The following GRHL2 variants were observed in gnomAD, a reference collection of about 807,000 sequenced individuals.
GRHL2 encodes grainyhead-like protein 2 homolog.
GRHL2 carries 21 observed loss-of-function variants against 83.8 expected under a neutral mutation model. The observed-to-expected ratio is 0.25, with a 90% CI of 0.18 to 0.36. The LOEUF is 0.36. GRHL2 is among the 10% of genes least tolerant of loss of function. GRHL2 has a pLI of 1.00. For missense variants in GRHL2, 623 were observed against 781.8 expected (o/e 0.80, Z 2.42); for synonymous variants, 280 against 278.9 (o/e 1.00, Z -0.04).
At chr8:101,499,696 A>G (rs1204167925) in intron 1 of GRHL2, among the ~76,000 whole-genome samples, 1 of 152,184 alleles carries the variant, frequency 6.6e-6, no homozygotes, top group African/African-American at 2.4e-5. Context: ...CCTAAGTTAG[A>G]GTTCTCACTC....
chr8:101,511,168 G>T (rs989608129), intron 1 of GRHL2, among the ~76,000 whole-genome samples: 2 of 151,968 alleles, frequency 1.3e-5, no homozygotes, highest in Non-Finnish European at 2.9e-5. Context: ...GTTGTTTTAT[G>T]ATTTTGATAG....
In GRHL2 at chr8:101,492,676, G is replaced by C. The variant is rs1338528985; in HGVS notation, c.-94G>C. On this transcript the variant is annotated 5_prime_UTR_variant, in exon 1 of 16. Coordinates refer to ENST00000646743, the MANE Select transcript of GRHL2 (RefSeq NM_024915.4). ...TAGCTCTTGTTCTGCCATCTCGGGC[G>C]CTCTCACACACCTTCACCTGCACAG... 2.0e-6 allele frequency: 2 copies of C among 997,476 alleles called. No homozygotes were observed. Among genetic ancestry groups the C allele is most frequent in the African/African-American group, 3.2e-5 (2 of 63,138 alleles). 61.8% of individuals were successfully genotyped at this position (997,476 alleles called of 1,614,324 possible). A position where few individuals can be genotyped will look rare whatever the true frequency, so the allele number is the denominator to read the frequency against.
chr8:101,678,206 G>A, the GRHL2 span, among the ~76,000 whole-genome samples: 25 of 152,300 alleles, frequency 1.6e-4, 1 homozygote, highest in Admixed American at 7.2e-4. Flanking sequence ...CAGGCAGTGG[G>A]CGCAGGTCAG....
chr8:101,581,355 A>G (rs556982589), intron 7 of GRHL2, among the ~76,000 whole-genome samples: 1 of 152,220 alleles, frequency 6.6e-6, no homozygotes, highest in African/African-American at 2.4e-5. Flanking sequence ...CCCAGGCCCA[A>G]GTAGATTCTG....
At chr8:101,605,140 G>A (rs758209450) in intron 8 of GRHL2, among the ~76,000 whole-genome samples, 6 of 152,192 alleles carry the variant, frequency 3.9e-5, no homozygotes, top group African/African-American at 7.2e-5. Context: ...CACAAGTAAG[G>A]CATCTGTTTT....
At chr8:101,498,482 AG>A (rs1169758923) in intron 1 of GRHL2, among the ~76,000 whole-genome samples, 1 of 152,186 alleles carries the variant, frequency 6.6e-6, no homozygotes, top group Non-Finnish European at 1.5e-5. Context: ...GCAAAGTCAA[AG>A]GTAAAGAGCT....
intron 8 of GRHL2, among the ~76,000 whole-genome samples, chr8:101,608,923 G>T (rs1295747368): frequency 6.7e-6 from 1 of 150,212 alleles, no homozygotes; most frequent in Non-Finnish European, 1.5e-5. Flanking sequence ...AAGAGTGTAT[G>T]GTAGGGAACA....
chr8:101,592,289 G>C (rs1317285668), intron 7 of GRHL2, among the ~76,000 whole-genome samples: 1 of 151,808 alleles, frequency 6.6e-6, no homozygotes, highest in East Asian at 1.9e-4. Context: ...ATTTTCAGTA[G>C]AGATGGGGTT....
At chr8:101,547,038 A>G (rs1811281235) in intron 2 of GRHL2, among the ~76,000 whole-genome samples, 1 of 152,200 alleles carries the variant, frequency 6.6e-6, no homozygotes, top group Admixed American at 6.5e-5. Flanking sequence ...TGCTTGAAAC[A>G]TTTTAGTGTT....
chr8:101,660,645 A>G (rs1453103574), intron 14 of GRHL2, among the ~76,000 whole-genome samples: 3 of 152,076 alleles, frequency 2.0e-5, no homozygotes, highest in Admixed American at 2.0e-4. Context: ...TTTTGCAGTC[A>G]GATTCTAAGT....
chr8:101,679,992 C>T, the GRHL2 span, among the ~76,000 whole-genome samples: 3 of 118,146 alleles, frequency 2.5e-5, no homozygotes, highest in Admixed American at 8.9e-5. Flanking sequence ...TAAAGACCAT[C>T]GAGACTAGGA....
intron 7 of GRHL2, among the ~76,000 whole-genome samples, chr8:101,598,241 A>ATTTT (rs5893574): frequency 7.3e-6 from 1 of 137,138 alleles, no homozygotes; most frequent in African/African-American, 2.7e-5. Flanking sequence ...GTCCAAAAAG[A>ATTTT]TTTTTTTTTT....
At chr8:101,503,448 GTT>G (rs1810272897) in intron 1 of GRHL2, among the ~76,000 whole-genome samples, 1 of 152,174 alleles carries the variant, frequency 6.6e-6, no homozygotes, top group African/African-American at 2.4e-5. Flanking sequence ...GATATTCTAA[GTT>G]TCTCTGTCAA....
chr8:101,567,837 G>A (rs1389076171), intron 4 of GRHL2, among the ~76,000 whole-genome samples: 1 of 152,156 alleles, frequency 6.6e-6, no homozygotes, highest in African/African-American at 2.4e-5. Context: ...TAGGAGGTTA[G>A]CCTATCCTCA....
At chr8:101,675,742 G>A in the GRHL2 span, among the ~76,000 whole-genome samples, 110 of 152,152 alleles carry the variant, frequency 7.2e-4, 6 homozygotes, top group South Asian at 0.021. Context: ...AAAAGAGCCC[G>A]CATTGCCAAG....
chr8:101,613,301 C>T (rs1196192225), intron 8 of GRHL2, among the ~76,000 whole-genome samples: 5 of 150,756 alleles, frequency 3.3e-5, no homozygotes, highest in Non-Finnish European at 7.4e-5. Context: ...AATATTTTAT[C>T]AGGAAGAAAG....
intron 1 of GRHL2, among the ~76,000 whole-genome samples, chr8:101,539,084 A>G (rs1232869906): frequency 6.6e-6 from 1 of 152,204 alleles, no homozygotes; most frequent in African/African-American, 2.4e-5. Flanking sequence ...AGGGATTTCA[A>G]GAAGGAAGAT....
intron 1 of GRHL2, among the ~76,000 whole-genome samples, chr8:101,535,770 C>A (rs1164556793): frequency 6.6e-6 from 1 of 152,158 alleles, no homozygotes; most frequent in African/African-American, 2.4e-5. Context: ...GAACTCCTGA[C>A]CTCAGGTGAT....
chr8:101,624,638 G>A (rs1813045731), intron 9 of GRHL2, among the ~76,000 whole-genome samples: 1 of 150,050 alleles, frequency 6.7e-6, no homozygotes, highest in Admixed American at 6.6e-5. Flanking sequence ...CAGTAGGACA[G>A]TACACAGTAG....
Sources: allele counts gnomAD v4.1 joint callset (sites outside exome capture counted in the v4.1 genomes callset), GRCh38; gene constraint gnomAD v4.1.1; transcripts MANE v1.5; gene names NCBI Gene and HGNC (gene_info 2026-07-23, HGNC 2026-07-21).